Variants in ALDH18A1 observed in about 807,000 individuals in gnomAD.
The protein encoded by ALDH18A1 is delta-1-pyrroline-5-carboxylate synthase.
In ALDH18A1, 44 loss-of-function variants were observed where a neutral mutation model predicts 88.8. That is an observed-to-expected ratio of 0.50 (90% CI 0.39 to 0.64). The LOEUF is 0.64. ALDH18A1 is among the 30% of genes least tolerant of loss of function. The probability of loss-of-function intolerance (pLI) is 0.00; values close to 1 mark genes in which losing one functional copy is unlikely to be tolerated. For synonymous variants in ALDH18A1, 331 were observed against 372.1 expected, an observed-to-expected ratio of 0.89 and a Z score of 1.27; for missense variants, 782 against 1,009.5, an observed-to-expected ratio of 0.77 and a Z score of 3.05.
chr10:95,616,809 A>T (rs948398994), intron 12 of ALDH18A1, 195 bp from the exon 13 acceptor site: 3 of 734,724 alleles, frequency 4.1e-6, no homozygotes, highest in Non-Finnish European at 4.5e-6. Flanking sequence ...AAGGGCACTG[A>T]AGCCCAGAGA....
chr10:95,611,579 C>T, intron 15 of ALDH18A1, 137 bp from the exon 16 acceptor site: 10 of 913,368 alleles, frequency 1.1e-5, no homozygotes, highest in Non-Finnish European at 1.8e-5. Flanking sequence ...ACTAGTCCTA[C>T]TTTCCTCCCT....
intron 12 of ALDH18A1, among the ~76,000 whole-genome samples, chr10:95,618,473 T>C (rs993187752): frequency 5.3e-5 from 8 of 152,162 alleles, no homozygotes; most frequent in African/African-American, 1.9e-4. Flanking sequence ...GGTCCCACCA[T>C]GCCAACTAAT....
Position 95,614,017 on chromosome 10 carries a change from A to G in ALDH18A1, c.1750T>C (p.Cys584Arg), listed in dbSNP as rs756439414. ...GCCTCGGAATCCACATACATGTGAC[A>G]GATCCCTTCGCTGTGCCCCATCACT... ...IPVMGHSEGI[C>R]HMYVDSEASV... Residue 584 changes from cysteine to arginine, a missense_variant, in exon 14 of 18, where the codon TGT becomes CGT. Physicochemically the swap from Cys to Arg is radical, Grantham distance 180 (BLOSUM62 -3). This residue lies in a region of ALDH18A1 where 556 missense variants were observed against 654.5 expected (regional missense o/e 0.85). Transcript: ENST00000371224. The G allele has an allele frequency of 6.2e-7, 1 of 1,614,222 alleles. No homozygotes were observed. The highest frequency in any genetic ancestry group is 8.5e-7 in the Non-Finnish European group (1 of 1,180,028).
Position 95,633,520 on chromosome 10 carries a change from C to G in ALDH18A1, c.688G>C (p.Glu230Gln). ...ACCCCCTGCAGGTCACTGTTGGGCT[C>G]AGCTGGGGGGACAACAGCATCATTT... is the stretch of plus-strand genomic sequence containing the variant. ...NTNDAVVPPAEPNSDLQGVNV... is the reference protein window; with the variant it reads ...NTNDAVVPPAQPNSDLQGVNV... The change falls in exon 6 of 18, where the codon GAG becomes CAG. Residue 230 changes from glutamate (E) to glutamine (Q), a missense_variant. By Grantham distance (29) the Glu-to-Gln change is conservative. This residue lies in a region of ALDH18A1 where 132 missense variants were observed against 255.5 expected (regional missense o/e 0.52). Coordinates refer to ENST00000371224, the MANE Select transcript of ALDH18A1 (RefSeq NM_002860.4). 1 of 1,614,196 alleles carries G rather than the reference C, an allele frequency of 6.2e-7. No individual in the cohort carries two copies. The highest frequency in any genetic ancestry group is 8.5e-7 in the Non-Finnish European group (1 of 1,180,052).
chr10:95,616,558 C>G lies in ALDH18A1; in HGVS notation c.1524G>C (p.Glu508Asp), dbSNP rs1237221487. Reference sequence around the variant, plus strand: ...GGAGAATCCGGTTGCTGTGTGCAGCCTCCTTCCCTCCTTTGAGTAACAAGC... The same window carrying G: ...GGAGAATCCGGTTGCTGTGTGCAGCGTCCTTCCCTCCTTTGAGTAACAAGC... ...GNGLLLKGGKEAAHSNRILHL... is the reference protein window; with the variant it reads ...GNGLLLKGGKDAAHSNRILHL... The change falls in exon 13 of 18, where the codon GAG (glutamate) becomes GAC (aspartate). Residue 508 changes from glutamate (E) to aspartate (D), a missense_variant. Physicochemically the swap from Glu to Asp is conservative, Grantham distance 45. This residue lies in a region of ALDH18A1 where 556 missense variants were observed against 654.5 expected (regional missense o/e 0.85). Transcript: ENST00000371224. The G allele has an allele frequency of 2.5e-6, 4 of 1,601,328 alleles. No individual in the cohort carries two copies. In the African/African-American group the frequency reaches 5.3e-5, roughly 21 times the overall value.
At position 95,621,169 on chromosome 10, in the gene ALDH18A1, G is replaced by A. The variant is rs117709404; in HGVS notation, c.1329C>T (p.Ile443=). The A allele has an allele frequency of 1.7e-3, 2,787 of 1,614,072 alleles. 67 individuals are homozygous for A. In the East Asian group the frequency reaches 0.046, roughly 27 times the overall value. ...CCACGCTGTCCTGGGAGGAGGCTGC[G>A]ATCTGTCGCAGACCGATGGCCAGGC... is the stretch of plus-strand genomic sequence containing the variant. ...LNSLAIGLRQ[I]AASSQDSVGR... Residue 443 remains isoleucine, a synonymous_variant, in exon 12 of 18, where the codon ATC becomes ATT. Coordinates refer to ENST00000371224, the MANE Select transcript of ALDH18A1 (RefSeq NM_002860.4).
intron 17 of ALDH18A1, among the ~76,000 whole-genome samples, chr10:95,608,659 A>G (rs774105555): frequency 2.0e-5 from 3 of 151,472 alleles, no homozygotes; most frequent in African/African-American, 4.9e-5. Context: ...ACGCCACCAC[A>G]CCTGGATAAT....
At chr10:95,626,514 A>G (rs1423310913) in intron 10 of ALDH18A1, among the ~76,000 whole-genome samples, 189 bp downstream of exon 10, 1 of 152,122 alleles carries the variant, frequency 6.6e-6, no homozygotes, top group Non-Finnish European at 1.5e-5. Context: ...ACCTCTGTCT[A>G]TAAAAGATAA....
intron 11 of ALDH18A1, among the ~76,000 whole-genome samples, chr10:95,621,684 T>C (rs2097852909): frequency 6.6e-6 from 1 of 152,068 alleles, no homozygotes; most frequent in Admixed American, 6.5e-5. Context: ...GACAATGACA[T>C]GCCACTTAAA....
At chr10:95,609,378 C>T (rs947446896) in intron 17 of ALDH18A1, among the ~76,000 whole-genome samples, 5 of 152,222 alleles carry the variant, frequency 3.3e-5, no homozygotes, top group Non-Finnish European at 5.9e-5. Flanking sequence ...CCCACGGCAC[C>T]TTCTTTTGTC....
At position 95,610,196 on chromosome 10, in the gene ALDH18A1, C is replaced by T; in HGVS notation, c.2206+1G>A. On this transcript the variant is annotated splice_donor_variant, in intron 17 of 17. Coordinates refer to ENST00000371224, the MANE Select transcript of ALDH18A1 (RefSeq NM_002860.4). LOFTEE classifies it high-confidence loss of function. ...TTCTTCCCAACCAGAGTCTTTCTTA[C>T]CCAGTCCAAAGCGGTAACCATCAGA... 1 of 1,613,886 alleles carries T rather than the reference C, an allele frequency of 6.2e-7. No individual in the cohort carries two copies. Among genetic ancestry groups the T allele is most frequent in the African/African-American group, 1.3e-5 (1 of 75,028 alleles).
chr10:95,651,416 T>A (rs1020251568), intron 2 of ALDH18A1, among the ~76,000 whole-genome samples: 2 of 149,842 alleles, frequency 1.3e-5, no homozygotes, highest in African/African-American at 4.9e-5. Context: ...GACAGTTTCT[T>A]ATAAAACTGT....
At chr10:95,623,808 G>A (rs562556424) in intron 11 of ALDH18A1, among the ~76,000 whole-genome samples, 22 of 152,194 alleles carry the variant, frequency 1.4e-4, no homozygotes, top group Admixed American at 3.9e-4. Flanking sequence ...CAGGTGATCC[G>A]CCCACCTAGG....
At chr10:95,621,819 A>T (rs1027722522) in intron 11 of ALDH18A1, among the ~76,000 whole-genome samples, 1 of 152,178 alleles carries the variant, frequency 6.6e-6, no homozygotes, top group Non-Finnish European at 1.5e-5. Context: ...AAGGCATGTA[A>T]TAAGGATACT....
chr10:95,621,512 A>C (rs2097852604), intron 11 of ALDH18A1, among the ~76,000 whole-genome samples: 1 of 151,996 alleles, frequency 6.6e-6, no homozygotes, highest in Non-Finnish European at 1.5e-5. Context: ...GGGTTTCACC[A>C]GGTTGGCCAG....
chr10:95,644,930 C>G (rs1295517192), intron 2 of ALDH18A1, among the ~76,000 whole-genome samples: 1 of 152,208 alleles, frequency 6.6e-6, no homozygotes, highest in African/African-American at 2.4e-5. Context: ...ATTCTGGAAG[C>G]CCTGGACTGC....
chr10:95,610,525 T>G (rs1296432116), intron 16 of ALDH18A1, among the ~76,000 whole-genome samples: 1 of 152,204 alleles, frequency 6.6e-6, no homozygotes, highest in Non-Finnish European at 1.5e-5. Flanking sequence ...AGATCTCCCA[T>G]GCAGGTGACC....
chr10:95,651,815 T>C (rs1338274824), intron 2 of ALDH18A1, among the ~76,000 whole-genome samples: 1 of 152,172 alleles, frequency 6.6e-6, no homozygotes, highest in Non-Finnish European at 1.5e-5. Flanking sequence ...GGACATACAT[T>C]CAAACTATGT....
chr10:95,644,898 C>T (rs1470366261), intron 2 of ALDH18A1, among the ~76,000 whole-genome samples: 1 of 152,210 alleles, frequency 6.6e-6, no homozygotes, highest in African/African-American at 2.4e-5. Context: ...GAGCAGGGAT[C>T]CCTGATGGAT....
Sources: gnomAD v4.1 joint callset for allele counts (sites outside exome capture counted in the v4.1 genomes callset) on GRCh38, gnomAD v4.1.1 for gene constraint, gnomAD v4.1.1 regional missense constraint, MANE v1.5 for transcripts, NCBI Gene and HGNC (gene_info 2026-07-23, HGNC 2026-07-21) for gene names.